The following NKAIN2 variants were observed in gnomAD, a reference collection of about 807,000 sequenced individuals.
The protein encoded by NKAIN2 is sodium/potassium transporting ATPase interacting 2, also known as sodium/potassium-transporting ATPase subunit beta-1-interacting protein 2.
NKAIN2 carries 14 observed loss-of-function variants against 32.6 expected under a neutral mutation model. That is an observed-to-expected ratio of 0.43 (90% CI 0.28 to 0.67). NKAIN2 has a LOEUF of 0.67. Ranked by LOEUF, NKAIN2 falls within the 30% of genes least tolerant of loss-of-function variation. The pLI, the probability that NKAIN2 is intolerant of heterozygous loss-of-function variation, is 0.17. For synonymous variants in NKAIN2, 80 were observed against 87.2 expected (o/e 0.92, Z 0.46); for missense variants, 198 against 258.3 (o/e 0.77, Z 1.60).
chr6:123,848,755 A>G (rs1775195083), intron 1 of NKAIN2, among the ~76,000 whole-genome samples: 1 of 152,118 alleles, frequency 6.6e-6, no homozygotes, highest in Non-Finnish European at 1.5e-5. Context: ...TTCAGAGTGC[A>G]CCCGTACTTT....
intron 1 of NKAIN2, among the ~76,000 whole-genome samples, chr6:124,231,862 C>CATAT (rs34160856): frequency 2.5e-4 from 38 of 150,370 alleles, no homozygotes; most frequent in East Asian, 1.6e-3. Context: ...TATAAATATA[C>CATAT]ATATATATAT....
chr6:124,000,449 A>G (rs1986611), intron 1 of NKAIN2, among the ~76,000 whole-genome samples: 1,577 of 152,186 alleles, frequency 0.01, 26 homozygotes, highest in African/African-American at 0.036. Flanking sequence ...AGAAAAAAAA[A>G]TTATAGTAAG....
At chr6:124,035,076 G>A (rs757326164) in intron 1 of NKAIN2, among the ~76,000 whole-genome samples, 1 of 151,996 alleles carries the variant, frequency 6.6e-6, no homozygotes, top group South Asian at 2.1e-4. Context: ...AATATGCTTC[G>A]ATTGCAAATA....
At chr6:124,598,109 G>T (rs1378774042) in intron 3 of NKAIN2, among the ~76,000 whole-genome samples, 1 of 152,082 alleles carries the variant, frequency 6.6e-6, no homozygotes, top group Non-Finnish European at 1.5e-5. Flanking sequence ...TTCCTAGATG[G>T]ATAATTTCTT....
At chr6:124,478,822 A>G (rs1777334721) in intron 3 of NKAIN2, among the ~76,000 whole-genome samples, 1 of 152,172 alleles carries the variant, frequency 6.6e-6, no homozygotes. Flanking sequence ...GCTTCCCATA[A>G]TGACTTCTTT....
chr6:124,052,083 G>A (rs78945735), intron 1 of NKAIN2, among the ~76,000 whole-genome samples: 3,331 of 152,022 alleles, frequency 0.022, 72 homozygotes, highest in East Asian at 0.11. Flanking sequence ...TTTAATAATG[G>A]TTATTTTGGT....
At chr6:124,807,398 A>G (rs1227745367) in intron 5 of NKAIN2, among the ~76,000 whole-genome samples, 1 of 151,280 alleles carries the variant, frequency 6.6e-6, no homozygotes, top group Non-Finnish European at 1.5e-5. Flanking sequence ...TACTGGGTAC[A>G]TAACGAAATG....
At chr6:124,060,218 G>A (rs541023139) in intron 1 of NKAIN2, among the ~76,000 whole-genome samples, 1 of 152,262 alleles carries the variant, frequency 6.6e-6, no homozygotes, top group South Asian at 2.1e-4. Flanking sequence ...GAGACACCTT[G>A]ATCCTGTTAT....
intron 1 of NKAIN2, among the ~76,000 whole-genome samples, chr6:124,180,773 C>T (rs1027001472): frequency 6.6e-6 from 1 of 152,144 alleles, no homozygotes; most frequent in Non-Finnish European, 1.5e-5. Flanking sequence ...AAGCTCTGCC[C>T]CTGTGGCTTC....
At chr6:124,452,217 G>A (rs544741041) in intron 3 of NKAIN2, among the ~76,000 whole-genome samples, 175 of 149,486 alleles carry the variant, frequency 1.2e-3, no homozygotes, top group African/African-American at 4.1e-3. Flanking sequence ...AAAAACTGAC[G>A]TAATCCTTCC....
At chr6:124,155,307 G>C (rs905423186) in intron 1 of NKAIN2, among the ~76,000 whole-genome samples, 2 of 152,010 alleles carry the variant, frequency 1.3e-5, no homozygotes, top group South Asian at 2.1e-4. Context: ...CTAGAAGGAG[G>C]ATACTGAATG....
Position 124,812,821 on chromosome 6 carries a change from C to A in NKAIN2, c.536-5566C>A, listed in dbSNP as rs192392785. On this transcript the variant is annotated intron_variant, in intron 5 of 6. Transcript: ENST00000368417. ...GAACCTTTTCTTTTCCTCCCTTTCC[C>A]CCATGTTCAAAAACTTGCCATGAAC... is the stretch of plus-strand genomic sequence containing the variant. Among the ~76,000 whole-genome samples the A allele has an allele frequency of 8.3e-4, 126 of 152,168 alleles. 2 individuals are homozygous for A. Among genetic ancestry groups the A allele is most frequent in the Admixed American group, 3.9e-3 (59 of 15,266 alleles).
intron 1 of NKAIN2, among the ~76,000 whole-genome samples, chr6:124,156,241 CTA>C (rs912171276): frequency 8.5e-5 from 13 of 152,214 alleles, no homozygotes; most frequent in Non-Finnish European, 1.8e-4. Context: ...GTGGAATGGA[CTA>C]TATGTTTCTT....
chr6:124,792,414 G>A (rs956539115), intron 5 of NKAIN2, among the ~76,000 whole-genome samples: 1 of 152,056 alleles, frequency 6.6e-6, no homozygotes, highest in African/African-American at 2.4e-5. Context: ...GAAGTATACA[G>A]TATATAATTT....
intron 1 of NKAIN2, among the ~76,000 whole-genome samples, chr6:124,136,139 A>C (rs1201941215): frequency 6.6e-6 from 1 of 152,210 alleles, no homozygotes; most frequent in Non-Finnish European, 1.5e-5. Flanking sequence ...AGCAAGATTT[A>C]CCAAGAAAAG....
chr6:123,900,300 T>A (rs1774499078), intron 1 of NKAIN2, among the ~76,000 whole-genome samples: 1 of 151,666 alleles, frequency 6.6e-6, no homozygotes. Context: ...TGAAACCCCG[T>A]CTCTACTAAA....
At chr6:124,583,630 T>G (rs918311736) in intron 3 of NKAIN2, among the ~76,000 whole-genome samples, 4 of 152,176 alleles carry the variant, frequency 2.6e-5, no homozygotes, top group African/African-American at 9.6e-5. Context: ...CTAAACTAAG[T>G]GTCCATCAGC....
chr6:123,959,368 G>A (rs968316133), intron 1 of NKAIN2, among the ~76,000 whole-genome samples: 5 of 152,266 alleles, frequency 3.3e-5, no homozygotes, highest in African/African-American at 7.2e-5. Flanking sequence ...TTCCTGCATT[G>A]TGGCGGCCTA....
chr6:124,571,633 C>T (rs1006417402), intron 3 of NKAIN2, among the ~76,000 whole-genome samples: 2 of 152,102 alleles, frequency 1.3e-5, no homozygotes, highest in Non-Finnish European at 1.5e-5. Context: ...AACTGTAAGC[C>T]CAGTTAACCC....
Sources: allele counts gnomAD v4.1 joint callset (sites outside exome capture counted in the v4.1 genomes callset), GRCh38; gene constraint gnomAD v4.1.1; transcripts MANE v1.5; gene names NCBI Gene and HGNC (gene_info 2026-07-23, HGNC 2026-07-21).